IMMP2L: variants seen among roughly 807,000 people sequenced by gnomAD.
IMMP2L encodes mitochondrial inner membrane protease subunit 2.
IMMP2L carries 18 observed loss-of-function variants against 19.3 expected under a neutral mutation model. That is an observed-to-expected ratio of 0.93 (90% CI 0.64 to 1.38). The LOEUF is 1.38. Ranked by LOEUF, IMMP2L falls within the 40% of genes most tolerant of loss-of-function variation. The pLI is 0.00. For synonymous variants in IMMP2L, 76 were observed against 73.0 expected (o/e 1.04, Z -0.21); for missense variants, 233 against 218.2 (o/e 1.07, Z -0.43).
chr7:111,391,062 T>C (rs937658046), intron 3 of IMMP2L, among the ~76,000 whole-genome samples: 11 of 152,180 alleles, frequency 7.2e-5, no homozygotes, highest in Admixed American at 6.6e-4. Flanking sequence ...TCTACTATAA[T>C]AGCAGTCCCA....
chr7:111,505,375 G>A (rs1213994708), intron 2 of IMMP2L, among the ~76,000 whole-genome samples: 1 of 151,752 alleles, frequency 6.6e-6, no homozygotes, highest in East Asian at 1.9e-4. Context: ...CACTGTTGGT[G>A]GGACTGTAAA....
At chr7:111,188,322 G>A (rs1299424609) in intron 3 of IMMP2L, among the ~76,000 whole-genome samples, 1 of 152,156 alleles carries the variant, frequency 6.6e-6, no homozygotes, top group Non-Finnish European at 1.5e-5. Flanking sequence ...ACTTCTCACA[G>A]TTTTGGAAGG....
chr7:111,271,606 TCC>T (rs1818477378), intron 3 of IMMP2L, among the ~76,000 whole-genome samples: 1 of 152,034 alleles, frequency 6.6e-6, no homozygotes, highest in Non-Finnish European at 1.5e-5. Flanking sequence ...ATGTCTAAAT[TCC>T]AAACATCCAA....
intron 3 of IMMP2L, among the ~76,000 whole-genome samples, chr7:111,218,619 T>C (rs2129620144): frequency 6.6e-6 from 1 of 152,194 alleles, no homozygotes; most frequent in South Asian, 2.1e-4. Flanking sequence ...AAGACAGTTG[T>C]GAAAGTCTCG....
At chr7:110,835,940 C>T (rs1804419802) in intron 5 of IMMP2L, among the ~76,000 whole-genome samples, 2 of 152,054 alleles carry the variant, frequency 1.3e-5, no homozygotes, top group African/African-American at 4.8e-5. Flanking sequence ...CTGAAATGAA[C>T]ATTGTAATTA....
intron 3 of IMMP2L, among the ~76,000 whole-genome samples, chr7:111,372,137 C>T (rs566028125): frequency 2.0e-5 from 3 of 151,998 alleles, no homozygotes; most frequent in African/African-American, 4.8e-5. Flanking sequence ...AATGACCAAA[C>T]AAAATATAAA....
chr7:111,083,589 C>T (rs1029180849), intron 3 of IMMP2L, among the ~76,000 whole-genome samples: 3 of 152,164 alleles, frequency 2.0e-5, no homozygotes, highest in African/African-American at 7.2e-5. Context: ...GCTTTGAAGC[C>T]TGACTTGCAT....
At chr7:111,241,117 G>C (rs1315683432) in intron 3 of IMMP2L, among the ~76,000 whole-genome samples, 1 of 151,800 alleles carries the variant, frequency 6.6e-6, no homozygotes, top group Non-Finnish European at 1.5e-5. Context: ...TGTTTCAATT[G>C]TGCTTAATTT....
chr7:111,346,895 T>G (rs1827620750), intron 3 of IMMP2L, among the ~76,000 whole-genome samples: 1 of 152,110 alleles, frequency 6.6e-6, no homozygotes. Flanking sequence ...TATACTTTGG[T>G]TTCTGTAACT....
intron 3 of IMMP2L, among the ~76,000 whole-genome samples, chr7:111,442,784 T>C (rs1439007652): frequency 6.6e-6 from 1 of 151,922 alleles, no homozygotes; most frequent in African/African-American, 2.4e-5. Context: ...ACGAGGTCCT[T>C]TGTAAATCAC....
At chr7:111,019,098 T>C (rs928086224) in intron 3 of IMMP2L, among the ~76,000 whole-genome samples, 2 of 152,136 alleles carry the variant, frequency 1.3e-5, no homozygotes, top group African/African-American at 4.8e-5. Flanking sequence ...CAGAGATTAC[T>C]ATCTTTATAT....
At chr7:110,834,453 T>C (rs887435900) in intron 5 of IMMP2L, among the ~76,000 whole-genome samples, 19 of 152,074 alleles carry the variant, frequency 1.2e-4, no homozygotes, top group Non-Finnish European at 2.5e-4. Flanking sequence ...TGAAGAAAGT[T>C]GCTAAACAGT....
At chr7:110,850,863 A>T (rs912841021) in intron 5 of IMMP2L, among the ~76,000 whole-genome samples, 1 of 151,992 alleles carries the variant, frequency 6.6e-6, no homozygotes, top group Non-Finnish European at 1.5e-5. Context: ...GCTATTCATA[A>T]TCTAGATAGC....
Position 110,907,251 on chromosome 7 carries a change from C to T in IMMP2L, c.306-20556G>A, listed in dbSNP as rs28376703. 9.8e-3 allele frequency among the ~76,000 whole-genome samples: 1,492 copies of T among 152,100 alleles called. 22 individuals are homozygous for T. The highest frequency in any genetic ancestry group is 0.033 in the African/African-American group (1,378 of 41,478). On this transcript the variant is annotated intron_variant, in intron 4 of 5. Coordinates refer to ENST00000405709, the MANE Select transcript of IMMP2L (RefSeq NM_032549.4). ...AACATCCAGGAAGAATGAGGTCAGA[C>T]GAATAAACTGAATTTGGTAAATTTA... is the stretch of plus-strand genomic sequence containing the variant.
chr7:110,809,491 A>C (rs1300667161), intron 5 of IMMP2L, among the ~76,000 whole-genome samples: 1 of 151,968 alleles, frequency 6.6e-6, no homozygotes, highest in Non-Finnish European at 1.5e-5. Context: ...TCAGGTGCCA[A>C]TCCAGATTTT....
intron 3 of IMMP2L, among the ~76,000 whole-genome samples, chr7:111,281,140 CAGAAAGACAGAAAGACAGAAAGAA>C (rs1414346313): frequency 0.011 from 683 of 60,734 alleles, 19 homozygotes; most frequent in East Asian, 0.048. Context: ...GAGAGAAAGA[CAGAAAGACAGAAAGACAGAAAGAA>C]AGAAAGAAAG....
At chr7:111,178,229 T>C (rs1351579694) in intron 3 of IMMP2L, among the ~76,000 whole-genome samples, 2 of 152,096 alleles carry the variant, frequency 1.3e-5, no homozygotes, top group Non-Finnish European at 2.9e-5. Context: ...ATGTTTACAC[T>C]ATACTGTACT....
chr7:111,306,149 T>C (rs556404444), intron 3 of IMMP2L, among the ~76,000 whole-genome samples: 6 of 152,304 alleles, frequency 3.9e-5, no homozygotes, highest in African/African-American at 1.4e-4. Flanking sequence ...AGTACATATA[T>C]ACAATTTTAA....
chr7:111,480,242 C>T (rs981460431), intron 3 of IMMP2L, among the ~76,000 whole-genome samples: 3 of 151,796 alleles, frequency 2.0e-5, no homozygotes, highest in Non-Finnish European at 4.4e-5. Context: ...CACCACCACG[C>T]CCAGCTAATT....
Sources: gnomAD v4.1 joint callset for allele counts (sites outside exome capture counted in the v4.1 genomes callset) on GRCh38, gnomAD v4.1.1 for gene constraint, MANE v1.5 for transcripts, NCBI Gene and HGNC (gene_info 2026-07-23, HGNC 2026-07-21) for gene names.